The following PRELID2 variants were observed in gnomAD, a reference collection of about 807,000 sequenced individuals.
PRELID2 encodes PRELI domain containing 2.
Under a neutral mutation model 28.4 loss-of-function variants are expected in PRELID2, and 25 were observed. The observed-to-expected ratio is 0.88, with a 90% CI of 0.64 to 1.23. PRELID2 has a LOEUF of 1.23. Ranked by LOEUF, PRELID2 falls within the 50% of genes most tolerant of loss-of-function variation. The pLI, the probability that PRELID2 is intolerant of heterozygous loss-of-function variation, is 0.00. For missense variants in PRELID2, 201 were observed against 214.4 expected (o/e 0.94, Z 0.39); for synonymous variants, 76 against 71.6 (o/e 1.06, Z -0.31).
At chr5:145,241,264 A>G in the PRELID2 span, among the ~76,000 whole-genome samples, 1 of 151,962 alleles carries the variant, frequency 6.6e-6, no homozygotes, top group Non-Finnish European at 1.5e-5. Context: ...CTGGCTCATA[A>G]ATACCTTGAA....
At chr5:145,665,647 T>A (rs141307186) in intron 1 of PRELID2, among the ~76,000 whole-genome samples, 30 of 152,228 alleles carry the variant, frequency 2.0e-4, no homozygotes, top group South Asian at 4.1e-4. Context: ...CTCTAGCCCA[T>A]CTCTCCAGCC....
At chr5:145,734,456 G>A (rs1433057781) in intron 1 of PRELID2, among the ~76,000 whole-genome samples, 3 of 152,168 alleles carry the variant, frequency 2.0e-5, no homozygotes, top group South Asian at 2.1e-4. Context: ...TAAATGCAAC[G>A]AGCATCAACT....
At chr5:145,544,941 T>C (rs7713855) in intron 1 of PRELID2, among the ~76,000 whole-genome samples, 22,557 of 152,058 alleles carry the variant, frequency 0.15, 1,778 homozygotes, top group Non-Finnish European at 0.18. Context: ...TTGCATTCAA[T>C]TCCAGCACGG....
At chr5:145,457,802 G>A in the PRELID2 span, among the ~76,000 whole-genome samples, 1 of 152,118 alleles carries the variant, frequency 6.6e-6, no homozygotes, top group African/African-American at 2.4e-5. Flanking sequence ...CTTAACCTTG[G>A]TTTGCTTAGC....
At chr5:145,672,589 G>A (rs10043087) in intron 1 of PRELID2, among the ~76,000 whole-genome samples, 9,850 of 151,446 alleles carry the variant, frequency 0.065, 1,061 homozygotes, top group African/African-American at 0.23. Context: ...TCTTCATCAT[G>A]TAACAGAAAA....
the PRELID2 span, among the ~76,000 whole-genome samples, chr5:145,418,855 A>G: frequency 6.6e-6 from 1 of 151,230 alleles, no homozygotes; most frequent in Middle Eastern, 3.4e-3. Flanking sequence ...TATTAGGTAT[A>G]TCTCCCGATG....
chr5:145,833,075 T>C (rs1455055607), intron 1 of PRELID2, among the ~76,000 whole-genome samples: 1 of 152,222 alleles, frequency 6.6e-6, no homozygotes, highest in African/African-American at 2.4e-5. Flanking sequence ...TCCCACATTT[T>C]TCTAGCACTT....
At position 145,658,624 on chromosome 5, in the gene PRELID2, G is replaced by A. The variant is rs893445578; in HGVS notation, n.70+106307C>T. Among the ~76,000 whole-genome samples, 8 of 152,018 alleles carry A rather than the reference G, an allele frequency of 5.3e-5. No individual in the cohort carries two copies. The South Asian group carries it at 6.2e-4, about 12-fold the overall frequency. ...CTCTCTCTCTCTAGCTCCCTCTCTC[G>A]CCACGGGATATGTCAGCTCCTCCTT... On this transcript the variant is annotated intron_variant and non_coding_transcript_variant, in intron 1 of 2. Coordinates refer to the PRELID2 transcript ENST00000510259.
chr5:145,235,959 G>A, the PRELID2 span, among the ~76,000 whole-genome samples: 1 of 152,106 alleles, frequency 6.6e-6, no homozygotes. Context: ...ATTAGATCAT[G>A]CTATTTAGAG....
At chr5:145,834,892 A>G in intron 1 of PRELID2, 1 of 362,168 alleles carries the variant, frequency 2.8e-6, no homozygotes, top group Non-Finnish European at 5.0e-6. Context: ...GTCATCTGCA[A>G]CTCCACGGAG....
intron 4 of PRELID2, among the ~76,000 whole-genome samples, chr5:145,797,164 T>G (rs577549587): frequency 6.6e-6 from 1 of 152,156 alleles, no homozygotes; most frequent in Non-Finnish European, 1.5e-5. Context: ...AGATCTAGAT[T>G]ACACTTAAGA....
At chr5:145,625,889 T>G (rs558798606) in intron 1 of PRELID2, among the ~76,000 whole-genome samples, 93 of 152,248 alleles carry the variant, frequency 6.1e-4, no homozygotes, top group African/African-American at 2.1e-3. Flanking sequence ...TCAAAATAAC[T>G]AACTGATCTT....
At chr5:145,319,725 A>AAATAAATC in the PRELID2 span, among the ~76,000 whole-genome samples, 19 of 149,068 alleles carry the variant, frequency 1.3e-4, no homozygotes, top group African/African-American at 2.0e-4. Context: ...ATAAATAAAT[A>AAATAAATC]AATAATTTTT....
At chr5:145,468,836 T>C (rs1752026805), downstream of PRELID2, among the ~76,000 whole-genome samples, 4 of 152,218 alleles carry the variant, frequency 2.6e-5, no homozygotes, top group South Asian at 8.3e-4. Flanking sequence ...GATGAGTAGA[T>C]TGCAAAAATT....
At chr5:145,288,527 T>C in the PRELID2 span, among the ~76,000 whole-genome samples, 3 of 152,132 alleles carry the variant, frequency 2.0e-5, no homozygotes, top group Non-Finnish European at 4.4e-5. Flanking sequence ...TTAGAATCAG[T>C]CATTTCTGCA....
the PRELID2 span, among the ~76,000 whole-genome samples, chr5:145,370,237 G>A: frequency 6.6e-6 from 1 of 151,876 alleles, no homozygotes; most frequent in South Asian, 2.1e-4. Context: ...TTCCTTCTAG[G>A]GTTTTTTTAG....
At chr5:145,470,915 T>A (rs1385978455), downstream of PRELID2, among the ~76,000 whole-genome samples, 1 of 152,038 alleles carries the variant, frequency 6.6e-6, no homozygotes, top group African/African-American at 2.4e-5. Flanking sequence ...TTTGTCTTCA[T>A]TTAAACAGTC....
chr5:145,406,808 T>C, the PRELID2 span, among the ~76,000 whole-genome samples: 1 of 152,296 alleles, frequency 6.6e-6, no homozygotes, highest in South Asian at 2.1e-4. Context: ...CTGGAGAATC[T>C]GAAAATCCAG....
chr5:145,655,719 C>T (rs1217972761), intron 1 of PRELID2, among the ~76,000 whole-genome samples: 2 of 152,160 alleles, frequency 1.3e-5, no homozygotes, highest in South Asian at 2.1e-4. Flanking sequence ...GATGCTAGAT[C>T]CCTTCCTCAC....
Sources: allele counts gnomAD v4.1 joint callset (sites outside exome capture counted in the v4.1 genomes callset), GRCh38; gene constraint gnomAD v4.1.1; transcripts MANE v1.5; gene names NCBI Gene and HGNC (gene_info 2026-07-23, HGNC 2026-07-21).